Variants in LRRC2 observed in about 807,000 individuals in gnomAD.
LRRC2 encodes leucine-rich repeat-containing protein 2.
In LRRC2, 27 loss-of-function variants were observed where a neutral mutation model predicts 40.2. The ratio of observed to expected loss-of-function variants is 0.67; its 90% CI spans 0.49 to 0.93. The LOEUF (loss-of-function observed/expected upper bound fraction) is 0.93, where lower values mean the gene tolerates loss of function less well. LRRC2 is among the 40% of genes least tolerant of loss of function. The pLI, the probability that LRRC2 is intolerant of heterozygous loss-of-function variation, is 0.00. For synonymous variants in LRRC2, 147 were observed against 158.9 expected, an observed-to-expected ratio of 0.92 and a Z score of 0.56; for missense variants, 402 against 439.6, an observed-to-expected ratio of 0.91 and a Z score of 0.76.
At chr3:46,519,856 G>A (rs1206543018) in intron 8 of LRRC2, among the ~76,000 whole-genome samples, 1 of 152,142 alleles carries the variant, frequency 6.6e-6, no homozygotes, top group Non-Finnish European at 1.5e-5. Flanking sequence ...AAGACACCAT[G>A]ATAAAGAAAA....
intron 2 of LRRC2, among the ~76,000 whole-genome samples, chr3:46,549,866 G>A (rs1157062907): frequency 6.6e-6 from 1 of 152,244 alleles, no homozygotes; most frequent in African/African-American, 2.4e-5. Context: ...CAGATGCTAG[G>A]TGTGCGGAGG....
intron 4 of LRRC2, among the ~76,000 whole-genome samples, chr3:46,534,129 C>T (rs1049408531): frequency 6.6e-6 from 1 of 152,030 alleles, no homozygotes; most frequent in African/African-American, 2.4e-5. Context: ...TCCCTGTGTC[C>T]ATGTGTTCTC....
At chr3:46,520,800 G>A (rs1262495166) in intron 8 of LRRC2, among the ~76,000 whole-genome samples, 1 of 152,180 alleles carries the variant, frequency 6.6e-6, no homozygotes, top group African/African-American at 2.4e-5. Context: ...AAAAATTAAG[G>A]AATGACTCTC....
rs1395998797 is a variant in LRRC2 at position 46,515,409 on chromosome 3, C to A, written c.*3605G>T. 1 of 152,040 alleles carries A rather than the reference C, an allele frequency of 6.6e-6. No individual in the cohort carries two copies. Among genetic ancestry groups the A allele is most frequent in the Non-Finnish European group, 1.5e-5 (1 of 67,994 alleles). The allele number at this position is 152,040 out of a possible 1,614,324, so 9.4% of individuals were successfully genotyped here. A position where few individuals can be genotyped will look rare whatever the true frequency, so the allele number is the denominator to read the frequency against. ...ATTTTTCTTCTAAGAATATTTTATT[C>A]TTTCATTCATATTACTTTAATATTC... On this transcript the variant is annotated 3_prime_UTR_variant, in exon 9 of 9. Coordinates refer to ENST00000395905, the MANE Select transcript of LRRC2 (RefSeq NM_024512.5).
intron 1 of LRRC2, among the ~76,000 whole-genome samples, chr3:46,564,557 A>C (rs1705017746): frequency 6.6e-6 from 1 of 151,896 alleles, no homozygotes; most frequent in Non-Finnish European, 1.5e-5. Context: ...TTGGGAGGAG[A>C]CTCAACAAAG....
rs909251868 is a variant in LRRC2 at position 46,520,973 on chromosome 3, T to A, written c.1066+549A>T. On this transcript the variant is annotated intron_variant, in intron 8 of 8. Transcript: ENST00000395905. ...GGAAACAGCCGCCGGAATCTGGCGC[T>A]GGGAAAAAGCCTTCCCACCCTTTCC... Among the ~76,000 whole-genome samples, 20 of 152,314 alleles carry A rather than the reference T, an allele frequency of 1.3e-4. No homozygotes were observed. In the Middle Eastern group the frequency reaches 0.014, roughly 104 times the overall value.
intron 1 of LRRC2, among the ~76,000 whole-genome samples, chr3:46,561,381 A>G (rs1704937686): frequency 6.6e-6 from 1 of 152,144 alleles, no homozygotes; most frequent in Non-Finnish European, 1.5e-5. Flanking sequence ...TTTACCAAAA[A>G]TAAAAAATAA....
At chr3:46,537,389 C>T (rs1214747526) in intron 4 of LRRC2, among the ~76,000 whole-genome samples, 2 of 152,268 alleles carry the variant, frequency 1.3e-5, no homozygotes, top group Admixed American at 6.5e-5. Flanking sequence ...CATGAGCCAC[C>T]GCCTCCAGCC....
rs1703878208 is a variant in LRRC2 at position 46,517,256 on chromosome 3, T to C, written c.*1758A>G. On this transcript the variant is annotated 3_prime_UTR_variant, in exon 9 of 9. Transcript: ENST00000395905. ...ATATGCCACTATATGCATATTTTCC[T>C]TCTTAGTCACAAAAGCTGCTTGTTT... is the stretch of plus-strand genomic sequence containing the variant. The C allele has an allele frequency of 2.0e-5, 3 of 150,624 alleles. No individual in the cohort carries two copies. The highest frequency in any genetic ancestry group is 4.4e-5 in the Non-Finnish European group (3 of 67,830). The allele number at this position is 150,624 out of a possible 1,614,324, so 9.3% of individuals were successfully genotyped here.
chr3:46,543,822 C>T (rs1382877807), intron 3 of LRRC2, among the ~76,000 whole-genome samples: 3 of 152,098 alleles, frequency 2.0e-5, no homozygotes, highest in Admixed American at 6.5e-5. Context: ...TCCCTTCGTG[C>T]CCTAGAATAG....
Position 46,516,817 on chromosome 3 carries a change from T to A in LRRC2, c.*2197A>T, listed in dbSNP as rs1313075016. On this transcript the variant is annotated 3_prime_UTR_variant, in exon 9 of 9. Transcript: ENST00000395905. ...ATGTGAACTCCATCCCCCAACCCCC[T>A]CGCTGGGGACATGCCCAGGTAGAAC... The A allele has an allele frequency of 2.0e-5, 3 of 152,100 alleles. No individual in the cohort carries two copies. The highest frequency in any genetic ancestry group is 7.2e-5 in the African/African-American group (3 of 41,400). 9.4% of individuals were successfully genotyped at this position (152,100 alleles called of 1,614,324 possible).
intron 1 of LRRC2, among the ~76,000 whole-genome samples, chr3:46,563,722 T>A (rs1352419115): frequency 6.6e-5 from 10 of 152,234 alleles, no homozygotes; most frequent in Admixed American, 6.5e-4. Flanking sequence ...AGCCACAGTT[T>A]ACTGACAGGA....
intron 1 of LRRC2, among the ~76,000 whole-genome samples, chr3:46,552,770 T>C: frequency 6.6e-6 from 1 of 152,194 alleles, no homozygotes; most frequent in East Asian, 1.9e-4. Flanking sequence ...CACTTAAGAC[T>C]GACCACACAG....
At chr3:46,544,944 C>A (rs1704492847) in intron 3 of LRRC2, 102 bp downstream of exon 3, 2 of 1,129,596 alleles carry the variant, frequency 1.8e-6, no homozygotes, top group Admixed American at 1.8e-5. Flanking sequence ...GACAGAAGAA[C>A]CTCCTCTAAA....
At chr3:46,550,377 CTTTTTT>C (rs34602158) in intron 2 of LRRC2, among the ~76,000 whole-genome samples, 2 of 84,020 alleles carry the variant, frequency 2.4e-5, no homozygotes, top group South Asian at 4.6e-4. Flanking sequence ...CCTTACACAT[CTTTTTT>C]TTTTTTTTTT....
At chr3:46,526,836 TAGGG>T (rs1278123480) in intron 7 of LRRC2, among the ~76,000 whole-genome samples, 1 of 152,132 alleles carries the variant, frequency 6.6e-6, no homozygotes, top group Non-Finnish European at 1.5e-5. Flanking sequence ...CCCAAACCGC[TAGGG>T]ATGGACAAAA....
intron 3 of LRRC2, among the ~76,000 whole-genome samples, chr3:46,543,649 TA>T (rs11318186): frequency 0.41 from 55,763 of 136,108 alleles, 10,937 homozygotes; most frequent in Non-Finnish European, 0.45. Context: ...ATAATAATAA[TA>T]AATAATAAAT....
At chr3:46,565,179 G>A (rs1705031165) in intron 1 of LRRC2, among the ~76,000 whole-genome samples, 1 of 152,178 alleles carries the variant, frequency 6.6e-6, no homozygotes, top group Non-Finnish European at 1.5e-5. Context: ...GCCAGGGGAG[G>A]CAGAGGGTCC....
intron 1 of LRRC2, among the ~76,000 whole-genome samples, chr3:46,560,859 C>T (rs568244607): frequency 2.0e-5 from 3 of 152,288 alleles, no homozygotes; most frequent in East Asian, 3.9e-4. Flanking sequence ...ACTGGGGCCA[C>T]AAAGTGTCAT....
Sources: gnomAD v4.1 joint callset for allele counts (sites outside exome capture counted in the v4.1 genomes callset) on GRCh38, gnomAD v4.1.1 for gene constraint, MANE v1.5 for transcripts, NCBI Gene and HGNC (gene_info 2026-07-23, HGNC 2026-07-21) for gene names.